Variants in PARD3 observed in about 807,000 individuals in gnomAD.
PARD3 encodes partitioning defective 3 homolog.
Under a neutral mutation model 155.4 loss-of-function variants are expected in PARD3, and 75 were observed. The ratio of observed to expected loss-of-function variants is 0.48; its 90% CI spans 0.40 to 0.58. The LOEUF (loss-of-function observed/expected upper bound fraction) is 0.58, where lower values mean the gene tolerates loss of function less well. Among genes scored for constraint, PARD3 ranks in the 20% least tolerant of loss-of-function variants. The pLI is 0.00. For missense variants in PARD3, 1,642 were observed against 1,721.7 expected, an observed-to-expected ratio of 0.95 and a Z score of 0.82; for synonymous variants, 576 against 610.5, an observed-to-expected ratio of 0.94 and a Z score of 0.83.
At chr10:34,167,614 A>T (rs989210345) in intron 22 of PARD3, among the ~76,000 whole-genome samples, 9 of 149,476 alleles carry the variant, frequency 6.0e-5, no homozygotes, top group African/African-American at 7.7e-5. Flanking sequence ...GTAAGGAAGA[A>T]CATCTGAAAT....
rs111465273 is a variant in PARD3 at position 34,521,880 on chromosome 10, A to G, written c.223-4721T>C. Among the ~76,000 whole-genome samples, 394 of 152,298 alleles carry G rather than the reference A, an allele frequency of 2.6e-3. 3 individuals are homozygous for G. The highest frequency in any genetic ancestry group is 8.8e-3 in the African/African-American group (364 of 41,570). Reference sequence around the variant, plus strand: ...CTAACAGCAATGGAGAATCAGAAAAAGCTACATTCAAAGCCAGCTCTGACC... The same window carrying G: ...CTAACAGCAATGGAGAATCAGAAAAGGCTACATTCAAAGCCAGCTCTGACC... On this transcript the variant is annotated intron_variant, in intron 2 of 24. Transcript: ENST00000374788.
chr10:34,220,731 G>C (rs1250146031), intron 22 of PARD3, among the ~76,000 whole-genome samples: 1 of 152,146 alleles, frequency 6.6e-6, no homozygotes, highest in African/African-American at 2.4e-5. Context: ...GCACTTCTCA[G>C]CACATAGTTG....
At chr10:34,355,187 G>A (rs186924492) in intron 14 of PARD3, among the ~76,000 whole-genome samples, 11 of 152,242 alleles carry the variant, frequency 7.2e-5, no homozygotes, top group African/African-American at 2.4e-4. Flanking sequence ...AAATTAGTTG[G>A]GTGTGGTGGT....
At chr10:34,125,948 C>T (rs1947266503) in intron 23 of PARD3, among the ~76,000 whole-genome samples, 1 of 152,208 alleles carries the variant, frequency 6.6e-6, no homozygotes, top group Non-Finnish European at 1.5e-5. Flanking sequence ...GCATACTGTA[C>T]TTACGTCTGC....
At chr10:34,629,789 TAGG>T (rs2092167979) in intron 2 of PARD3, among the ~76,000 whole-genome samples, 1 of 152,192 alleles carries the variant, frequency 6.6e-6, no homozygotes, top group African/African-American at 2.4e-5. Flanking sequence ...CAGCTTTTAT[TAGG>T]AGATTTTAAG....
chr10:34,373,350 C>T (rs1409972127), intron 11 of PARD3, among the ~76,000 whole-genome samples: 1 of 151,196 alleles, frequency 6.6e-6, no homozygotes, highest in Non-Finnish European at 1.5e-5. Context: ...CCTGGAAGAT[C>T]AAAATTGGAC....
At chr10:34,795,669 C>G (rs1307842398) in intron 1 of PARD3, among the ~76,000 whole-genome samples, 1 of 151,596 alleles carries the variant, frequency 6.6e-6, no homozygotes, top group East Asian at 1.9e-4. Flanking sequence ...CCAAGGTGGG[C>G]GGATCACCTG....
chr10:34,585,967 A>G (rs185586545), intron 2 of PARD3, among the ~76,000 whole-genome samples: 1 of 152,324 alleles, frequency 6.6e-6, no homozygotes, highest in Admixed American at 6.5e-5. Flanking sequence ...ACTTATTCAA[A>G]AAATGCAGGT....
chr10:34,613,333 G>T (rs1364699467), intron 2 of PARD3, among the ~76,000 whole-genome samples: 1 of 152,074 alleles, frequency 6.6e-6, no homozygotes, highest in Non-Finnish European at 1.5e-5. Context: ...CTTTCTTAGG[G>T]CTTGCTAGTG....
chr10:34,397,137 T>G (rs1327154136), intron 7 of PARD3, among the ~76,000 whole-genome samples: 1 of 152,192 alleles, frequency 6.6e-6, no homozygotes, highest in Non-Finnish European at 1.5e-5. Flanking sequence ...AGGTTTCTTA[T>G]GAAGTAACAG....
chr10:34,168,384 A>C (rs577998215), intron 22 of PARD3, among the ~76,000 whole-genome samples: 2 of 152,322 alleles, frequency 1.3e-5, no homozygotes, highest in South Asian at 4.1e-4. Context: ...TTTTAAAGTG[A>C]CTTTGATTAT....
At chr10:34,389,065 C>A (rs911011424) in intron 7 of PARD3, among the ~76,000 whole-genome samples, 5 of 151,956 alleles carry the variant, frequency 3.3e-5, no homozygotes, top group African/African-American at 1.2e-4. Flanking sequence ...CCTGATGGAG[C>A]TGAAACATCC....
intron 23 of PARD3, among the ~76,000 whole-genome samples, chr10:34,120,684 T>C (rs1422815532): frequency 1.3e-5 from 2 of 152,186 alleles, no homozygotes; most frequent in Non-Finnish European, 2.9e-5. Flanking sequence ...CAGAAATGCC[T>C]ATCAAAAGAA....
At chr10:34,578,015 C>A (rs951900973) in intron 2 of PARD3, among the ~76,000 whole-genome samples, 1 of 151,370 alleles carries the variant, frequency 6.6e-6, no homozygotes, top group Non-Finnish European at 1.5e-5. Flanking sequence ...GCACACCTCA[C>A]TACATGCGGC....
At chr10:34,123,739 T>G (rs985064656) in intron 23 of PARD3, among the ~76,000 whole-genome samples, 5 of 152,124 alleles carry the variant, frequency 3.3e-5, no homozygotes, top group African/African-American at 1.2e-4. Flanking sequence ...ATACGGTGTT[T>G]TATGAATTAA....
At chr10:34,786,479 G>T (rs1407754230) in intron 1 of PARD3, among the ~76,000 whole-genome samples, 6 of 152,168 alleles carry the variant, frequency 3.9e-5, no homozygotes, top group Admixed American at 3.9e-4. Flanking sequence ...ATAACAAGGA[G>T]GCTCTTAGGG....
At chr10:34,786,518 A>G (rs575285599) in intron 1 of PARD3, among the ~76,000 whole-genome samples, 2 of 152,370 alleles carry the variant, frequency 1.3e-5, no homozygotes, top group African/African-American at 4.8e-5. Context: ...CATTTTGAAC[A>G]GCCTTATAAA....
Position 34,712,659 on chromosome 10 carries a change from A to G in PARD3, c.121-16240T>C, listed in dbSNP as rs193014758. Among the ~76,000 whole-genome samples the G allele has an allele frequency of 6.6e-5, 10 of 152,334 alleles. No homozygotes were observed. In the East Asian group the frequency reaches 1.9e-3, roughly 29 times the overall value. The stretch of plus-strand genomic sequence containing the variant: ...CACTGATTCTTCCAAGAAGTTTGCC[A>G]AGGTGACACATTAGGAAGGGAGACA... On this transcript the variant is annotated intron_variant, in intron 1 of 24. Transcript: ENST00000374788.
At chr10:34,299,025 G>T (rs1474611369) in intron 20 of PARD3, among the ~76,000 whole-genome samples, 1 of 152,188 alleles carries the variant, frequency 6.6e-6, no homozygotes, top group Non-Finnish European at 1.5e-5. Context: ...CCCAGTGAGA[G>T]AAAATAATAC....
Sources: allele counts gnomAD v4.1 joint callset (sites outside exome capture counted in the v4.1 genomes callset), GRCh38; gene constraint gnomAD v4.1.1; transcripts MANE v1.5; gene names NCBI Gene and HGNC (gene_info 2026-07-23, HGNC 2026-07-21).